Variants in SI observed in about 807,000 individuals in gnomAD.
SI encodes sucrase-isomaltase, intestinal.
SI carries 235 observed loss-of-function variants against 253.3 expected under a neutral mutation model. That is an observed-to-expected ratio of 0.93 (90% CI 0.83 to 1.03). SI has a LOEUF of 1.03. SI is among the 50% of genes least tolerant of loss of function. The probability of loss-of-function intolerance (pLI) is 0.00; values close to 1 mark genes in which losing one functional copy is unlikely to be tolerated. For missense variants in SI, 2,442 were observed against 2,211.1 expected, an observed-to-expected ratio of 1.10 and a Z score of -2.09; for synonymous variants, 819 against 712.0, an observed-to-expected ratio of 1.15 and a Z score of -2.39.
upstream of SI, among the ~76,000 whole-genome samples, chr3:165,083,014 A>G (rs1715390297): frequency 1.3e-5 from 2 of 151,948 alleles, no homozygotes; most frequent in Non-Finnish European, 2.9e-5. Flanking sequence ...ATCTTTGTTC[A>G]GGACACTGGA....
chr3:165,007,831 T>C (rs1718587177), intron 36 of SI, 80 bp downstream of exon 36: 3 of 502,466 alleles, frequency 6.0e-6, no homozygotes, highest in Non-Finnish European at 1.1e-5. Flanking sequence ...AGCTAACTGA[T>C]ATATATCAGT....
chr3:165,002,381 A>G (rs1718296062), intron 37 of SI, among the ~76,000 whole-genome samples: 1 of 151,766 alleles, frequency 6.6e-6, no homozygotes, highest in Non-Finnish European at 1.5e-5. Flanking sequence ...TTTGTGTAAA[A>G]CTATCTGCAA....
At chr3:165,062,178 C>G (rs1255873402) in intron 9 of SI, among the ~76,000 whole-genome samples, 193 bp downstream of exon 9, 1 of 151,146 alleles carries the variant, frequency 6.6e-6, no homozygotes, top group African/African-American at 2.4e-5. Context: ...AACATAGATA[C>G]TTGAGTATAT....
chr3:165,033,273 AT>A, intron 23 of SI, 121 bp downstream of exon 23: 1 of 719,536 alleles, frequency 1.4e-6, no homozygotes, highest in Non-Finnish European at 2.0e-6. Context: ...AATTTATTTC[AT>A]TACATTCCAT....
intron 38 of SI, 65 bp from the exon 39 acceptor site, chr3:164,996,837 T>C (rs1718036269): frequency 2.6e-6 from 2 of 783,378 alleles, no homozygotes; most frequent in African/African-American, 3.6e-5. Context: ...TTGTTTTTTA[T>C]TTCTATTTAT....
rs552305904 is a variant in SI at position 165,052,492 on chromosome 3, C to G, written c.1513-2617G>C. Among the ~76,000 whole-genome samples the G allele has an allele frequency of 2.6e-5, 4 of 152,216 alleles. No homozygotes were observed. In the South Asian group the frequency reaches 8.3e-4, roughly 32 times the overall value. Reference sequence around the variant, plus strand: ...CCAACATGGCAAAACCCCGTCTCTACTAAAAATACAAAAATTAGCTGGGCG... The same window carrying G: ...CCAACATGGCAAAACCCCGTCTCTAGTAAAAATACAAAAATTAGCTGGGCG... On this transcript the variant is annotated intron_variant, in intron 13 of 47. Coordinates refer to ENST00000264382, the MANE Select transcript of SI (RefSeq NM_001041.4).
chr3:165,049,206 T>C lies in SI; in HGVS notation c.1636A>G (p.Met546Val), dbSNP rs560842818. Residue 546 changes from methionine to valine, a missense_variant, in exon 15 of 48, where the codon ATG (methionine) becomes GTG (valine). Physicochemically the swap from Met to Val is conservative, Grantham distance 21. Transcript: ENST00000264382. The part of the protein sequence containing the change: ...DKLMYSKTIC[M>V]DAVQNWGKQY... ...TTACCCCAGTTCTGCACAGCATCCA[T>C]GCAAATTGTTTTGGAATACATGAGT... The C allele has an allele frequency of 4.3e-6, 7 of 1,611,378 alleles. No homozygotes were observed. Among genetic ancestry groups the C allele is most frequent in the African/African-American group, 1.3e-5 (1 of 75,014 alleles).
chr3:165,017,358 G>T (rs962370820), intron 31 of SI, among the ~76,000 whole-genome samples, 190 bp downstream of exon 31: 5 of 151,824 alleles, frequency 3.3e-5, no homozygotes, highest in African/African-American at 7.3e-5. Flanking sequence ...AAAAGGAATG[G>T]TATTTCTTCC....
At chr3:165,034,106 C>T (rs1453082273) in intron 22 of SI, among the ~76,000 whole-genome samples, 1 of 151,572 alleles carries the variant, frequency 6.6e-6, no homozygotes, top group Non-Finnish European at 1.5e-5. Context: ...ATATACTTTC[C>T]ATAACATTAA....
chr3:165,022,760 T>G (rs1457890778), intron 26 of SI, among the ~76,000 whole-genome samples: 1 of 151,680 alleles, frequency 6.6e-6, no homozygotes, highest in Non-Finnish European at 1.5e-5. Context: ...GGTGTTTATT[T>G]TTTCAGACAA....
rs753189769 is a variant in SI at position 165,043,052 on chromosome 3, C to T, written c.2004+7G>A. 31 of 1,504,732 alleles carry T rather than the reference C, an allele frequency of 2.1e-5. No individual in the cohort carries two copies. In the South Asian group the frequency reaches 2.9e-4, roughly 14 times the overall value. The allele number at this position is 1,504,732 out of a possible 1,614,324, so 93.2% of individuals were successfully genotyped here. A position where few individuals can be genotyped will look rare whatever the true frequency, so the allele number is the denominator to read the frequency against. On this transcript the variant is annotated splice_region_variant and intron_variant, in intron 17 of 47. Coordinates refer to ENST00000264382, the MANE Select transcript of SI (RefSeq NM_001041.4). ...ATTTCGCAACATGGAGAACAAGAGGCTCTTACTTCATATCCGTCAGAATTA... is the reference window on the plus strand; with the variant it reads ...ATTTCGCAACATGGAGAACAAGAGGTTCTTACTTCATATCCGTCAGAATTA...
At chr3:165,075,808 G>T in intron 2 of SI, 87 bp downstream of exon 2, 1 of 837,066 alleles carries the variant, frequency 1.2e-6, no homozygotes, top group Non-Finnish European at 2.0e-6. Context: ...ATCTTACACA[G>T]ATTATTTTTT....
chr3:165,080,461 AT>A (rs1359708680), upstream of SI, among the ~76,000 whole-genome samples: 1 of 152,064 alleles, frequency 6.6e-6, no homozygotes, highest in African/African-American at 2.4e-5. Flanking sequence ...ATGTATGTTT[AT>A]TGTGGCACTA....
At chr3:165,076,977 T>G (rs1009021229) in intron 1 of SI, among the ~76,000 whole-genome samples, 1 of 147,992 alleles carries the variant, frequency 6.8e-6, no homozygotes, top group African/African-American at 2.5e-5. Context: ...AATCACGGTT[T>G]GTTTTTTTTT....
At chr3:165,006,620 A>C (rs565351594) in intron 37 of SI, among the ~76,000 whole-genome samples, 196 bp downstream of exon 37, 1 of 152,330 alleles carries the variant, frequency 6.6e-6, no homozygotes, top group African/African-American at 2.4e-5. Flanking sequence ...TTAGAATAAT[A>C]ACAATAAAGA....
chr3:165,031,981 C>T (rs1365703977), intron 24 of SI, among the ~76,000 whole-genome samples: 2 of 151,096 alleles, frequency 1.3e-5, no homozygotes, highest in Admixed American at 6.6e-5. Context: ...TATACTACAA[C>T]TGTAAAAAGA....
the SI span, among the ~76,000 whole-genome samples, chr3:165,084,667 G>C: frequency 6.6e-6 from 1 of 151,730 alleles, no homozygotes; most frequent in Non-Finnish European, 1.5e-5. Context: ...TATTCAGCTT[G>C]TTAATAATTT....
intron 6 of SI, among the ~76,000 whole-genome samples, chr3:165,065,784 G>A (rs1052700890): frequency 1.3e-5 from 2 of 151,448 alleles, no homozygotes; most frequent in Non-Finnish European, 2.9e-5. Context: ...GGAGAGCCAA[G>A]TTTCAAACCC....
chr3:164,989,297 G>A (rs1717592154), intron 44 of SI, among the ~76,000 whole-genome samples: 2 of 148,636 alleles, frequency 1.3e-5, no homozygotes. Flanking sequence ...GTGAGCCAAG[G>A]CAGTGCACTC....
Sources: gnomAD v4.1 joint callset for allele counts (sites outside exome capture counted in the v4.1 genomes callset) on GRCh38, gnomAD v4.1.1 for gene constraint, MANE v1.5 for transcripts, NCBI Gene and HGNC (gene_info 2026-07-23, HGNC 2026-07-21) for gene names.